PLS1: variants seen among roughly 807,000 people sequenced by gnomAD.
PLS1 encodes the protein plastin 1.
PLS1 carries 32 observed loss-of-function variants against 73.7 expected under a neutral mutation model. That is an observed-to-expected ratio of 0.43 (90% CI 0.33 to 0.58). The LOEUF (loss-of-function observed/expected upper bound fraction) is 0.58. Among genes scored for constraint, PLS1 ranks in the 20% least tolerant of loss-of-function variants. PLS1 has a pLI of 0.04. For synonymous variants in PLS1, 217 were observed against 261.3 expected, an observed-to-expected ratio of 0.83 and a Z score of 1.63; for missense variants, 633 against 740.5, an observed-to-expected ratio of 0.85 and a Z score of 1.68.
At chr3:142,704,426 CCTTTTCAGTCTCAAA>C (rs1560077842) in intron 13 of PLS1, 22 bp from the exon 14 acceptor site, 4 of 1,543,222 alleles carry the variant, frequency 2.6e-6, no homozygotes, top group Non-Finnish European at 3.5e-6. Flanking sequence ...CAAATTTCAC[CCTTTTCAGTCTCAAA>C]TATACATCTT....
intron 1 of PLS1, among the ~76,000 whole-genome samples, chr3:142,609,204 T>A (rs2036075810): frequency 6.6e-6 from 1 of 152,220 alleles, no homozygotes; most frequent in Non-Finnish European, 1.5e-5. Context: ...ATATCAGACT[T>A]TATGTATTAG....
intron 1 of PLS1, among the ~76,000 whole-genome samples, chr3:142,643,217 A>T (rs2036879229): frequency 6.6e-6 from 1 of 152,170 alleles, no homozygotes; most frequent in Admixed American, 6.5e-5. Context: ...CCAGAAAGGA[A>T]GGGCCAGGAG....
chr3:142,620,226 G>T (rs2036290030), intron 1 of PLS1, among the ~76,000 whole-genome samples: 1 of 152,018 alleles, frequency 6.6e-6, no homozygotes, highest in Non-Finnish European at 1.5e-5. Flanking sequence ...CCAGGTTCAA[G>T]TGATTCTTCT....
chr3:142,704,013 T>C lies in PLS1; in HGVS notation c.1505+12T>C, dbSNP rs760512385. ...CAGCTGATGAGAAGGTAAAGGCTGATATGTTGGTAGCAACACTGCCTGTTT... is the reference window on the plus strand; with the variant it reads ...CAGCTGATGAGAAGGTAAAGGCTGACATGTTGGTAGCAACACTGCCTGTTT... On this transcript the variant is annotated intron_variant, in intron 13 of 15. Coordinates refer to ENST00000457734, the MANE Select transcript of PLS1 (RefSeq NM_001145319.2). The C allele has an allele frequency of 3.1e-6, 5 of 1,612,386 alleles. 1 individual carries two copies. Among genetic ancestry groups the C allele is most frequent in the East Asian group, 4.5e-5 (2 of 44,844 alleles).
At chr3:142,664,084 T>C (rs1419660173) in intron 1 of PLS1, 118 bp from the exon 2 acceptor site, 31 of 450,158 alleles carry the variant, frequency 6.9e-5, no homozygotes, top group Admixed American at 4.0e-5. Flanking sequence ...ATTTGTTCTT[T>C]GTCAGCCAGA....
chr3:142,709,624 G>A (rs1324164300), intron 14 of PLS1, among the ~76,000 whole-genome samples: 2 of 152,222 alleles, frequency 1.3e-5, no homozygotes, highest in East Asian at 3.9e-4. Context: ...CAACCATCCT[G>A]GCTAACACGG....
At position 142,676,154 on chromosome 3, in the gene PLS1, C is replaced by A. The variant is rs1337218360; in HGVS notation, c.365-3C>A. On this transcript the variant is annotated splice_region_variant and splice_polypyrimidine_tract_variant and intron_variant, in intron 4 of 15. Transcript: ENST00000457734. ...TTTGCCTACCAAGGTTTTCTCCTTT[C>A]AGAGGAAGAAAAAGTGGCTTTTGTT... The A allele has an allele frequency of 6.2e-7, 1 of 1,609,712 alleles. No individual in the cohort carries two copies.
rs546927308 is a variant in PLS1 at position 142,598,591 on chromosome 3, A to G, written c.-37+2082A>G. Among the ~76,000 whole-genome samples, 5 of 152,350 alleles carry G rather than the reference A, an allele frequency of 3.3e-5. No homozygotes were observed. In the East Asian group the frequency reaches 5.8e-4, roughly 18 times the overall value. ...AGAGGGCACAGAATTAAGAAATGTA[A>G]AGGAAGAAGCATGTGGTGAAAGACT... On this transcript the variant is annotated intron_variant, in intron 1 of 15. Coordinates refer to ENST00000457734, the MANE Select transcript of PLS1 (RefSeq NM_001145319.2).
intron 1 of PLS1, among the ~76,000 whole-genome samples, chr3:142,661,109 A>C (rs1233578622): frequency 2.0e-5 from 3 of 152,224 alleles, no homozygotes; most frequent in Non-Finnish European, 2.9e-5. Context: ...AAAGCCAGCC[A>C]CACCACAAGT....
chr3:142,666,828 A>G (rs994852102), intron 2 of PLS1, among the ~76,000 whole-genome samples: 6 of 152,182 alleles, frequency 3.9e-5, no homozygotes, highest in African/African-American at 1.4e-4. Context: ...CTTTTGGATA[A>G]TAAGCATTCT....
At chr3:142,634,100 G>A (rs181625081) in intron 1 of PLS1, among the ~76,000 whole-genome samples, 4 of 152,204 alleles carry the variant, frequency 2.6e-5, no homozygotes, top group South Asian at 2.1e-4. Flanking sequence ...TAGAGACCTC[G>A]GAGACATAAC....
At chr3:142,624,727 A>G (rs1439592185) in intron 1 of PLS1, among the ~76,000 whole-genome samples, 1 of 152,232 alleles carries the variant, frequency 6.6e-6, no homozygotes. Flanking sequence ...GCACCATAGA[A>G]TACTCTTGTT....
chr3:142,616,339 A>G (rs1024158076), intron 1 of PLS1, among the ~76,000 whole-genome samples: 1 of 152,218 alleles, frequency 6.6e-6, no homozygotes, highest in Non-Finnish European at 1.5e-5. Context: ...GAGAAAAAAG[A>G]ATGATGGAGG....
chr3:142,687,671 G>A (rs1234680837), intron 9 of PLS1, among the ~76,000 whole-genome samples: 5 of 151,844 alleles, frequency 3.3e-5, no homozygotes, highest in Admixed American at 2.0e-4. Flanking sequence ...ATCTTATCTC[G>A]TTTATTCCCT....
At chr3:142,634,345 A>G (rs1021941148) in intron 1 of PLS1, among the ~76,000 whole-genome samples, 43 of 152,216 alleles carry the variant, frequency 2.8e-4, no homozygotes, top group African/African-American at 3.6e-4. Context: ...AACAAAAGCT[A>G]TATGAGGAAA....
At chr3:142,658,574 T>G (rs913582003) in intron 1 of PLS1, among the ~76,000 whole-genome samples, 9 of 152,178 alleles carry the variant, frequency 5.9e-5, no homozygotes, top group Admixed American at 2.0e-4. Flanking sequence ...GAATTTGTTG[T>G]GTTATTCTCA....
At position 142,666,203 on chromosome 3, in the gene PLS1, C is replaced by A. The variant is rs572755858; in HGVS notation, c.70+1896C>A. Among the ~76,000 whole-genome samples the A allele has an allele frequency of 6.6e-4, 100 of 152,140 alleles. 1 individual carries two copies. Among genetic ancestry groups the A allele is most frequent in the Non-Finnish European group, 1.1e-3 (78 of 68,022 alleles). Reference sequence around the variant, plus strand: ...TACATAACAGAATTTACCATTTTAACCATTTTTAAGTGTATAGTTCATTAG... The same window carrying A: ...TACATAACAGAATTTACCATTTTAAACATTTTTAAGTGTATAGTTCATTAG... On this transcript the variant is annotated intron_variant, in intron 2 of 15. Coordinates refer to ENST00000457734, the MANE Select transcript of PLS1 (RefSeq NM_001145319.2).
chr3:142,656,579 A>G (rs925158753), intron 1 of PLS1: 5 of 152,250 alleles, frequency 3.3e-5, no homozygotes, highest in African/African-American at 1.2e-4. Context: ...TGAATGATAC[A>G]GCTCCCTGTT....
At chr3:142,601,215 G>A (rs368400931) in intron 1 of PLS1, among the ~76,000 whole-genome samples, 12 of 151,162 alleles carry the variant, frequency 7.9e-5, no homozygotes, top group East Asian at 2.0e-4. Flanking sequence ...ATGAGCCACC[G>A]CGCCCGGCCT....
Sources: gnomAD v4.1 joint callset for allele counts (sites outside exome capture counted in the v4.1 genomes callset) on GRCh38, gnomAD v4.1.1 for gene constraint, MANE v1.5 for transcripts, NCBI Gene and HGNC (gene_info 2026-07-23, HGNC 2026-07-21) for gene names.